The following SGCZ variants were observed in gnomAD, a reference collection of about 807,000 sequenced individuals.
The protein encoded by SGCZ is sarcoglycan zeta, also known as zeta-sarcoglycan.
In SGCZ, 40 loss-of-function variants were observed where a neutral mutation model predicts 41.3. That is an observed-to-expected ratio of 0.97 (90% confidence interval 0.75 to 1.26). SGCZ has a LOEUF of 1.26. Among genes scored for constraint, SGCZ ranks in the 50% most tolerant of loss-of-function variants. The pLI is 0.00. For synonymous variants in SGCZ, 206 were observed against 137.5 expected, an observed-to-expected ratio of 1.50 and a Z score of -3.49; for missense variants, 552 against 369.8, an observed-to-expected ratio of 1.49 and a Z score of -4.04.
intron 4 of SGCZ, among the ~76,000 whole-genome samples, chr8:14,184,739 A>T (rs1468215353): frequency 1.3e-5 from 2 of 152,208 alleles, no homozygotes; most frequent in African/African-American, 4.8e-5. Flanking sequence ...TTAAGAAGAG[A>T]AGTACCTTAA....
intron 1 of SGCZ, among the ~76,000 whole-genome samples, chr8:14,992,492 A>G (rs1490795474): frequency 6.8e-6 from 1 of 146,774 alleles, no homozygotes; most frequent in Non-Finnish European, 1.5e-5. Flanking sequence ...TCCCAAAACC[A>G]GTGTTACCCT....
chr8:14,629,323 G>C lies in SGCZ; in HGVS notation c.40-74397C>G, dbSNP rs571078985. ...GTTATAGGTGATCTTTTTAAAAATT[G>C]TTTTTAGTGACTAGTAGGTAAGATT... On this transcript the variant is annotated intron_variant, in intron 1 of 7. Transcript: ENST00000382080. Among the ~76,000 whole-genome samples, 10 of 151,170 alleles carry C rather than the reference G, an allele frequency of 6.6e-5. No homozygotes were observed. In the South Asian group the frequency reaches 2.1e-3, roughly 32 times the overall value.
In SGCZ at chr8:14,832,228, G is replaced by A. The variant is rs570768886; in HGVS notation, c.40-277302C>T. Among the ~76,000 whole-genome samples, 30 of 152,098 alleles carry A rather than the reference G, an allele frequency of 2.0e-4. 1 individual carries two copies. In the South Asian group the frequency reaches 6.0e-3, roughly 31 times the overall value. On this transcript the variant is annotated intron_variant, in intron 1 of 7. Coordinates refer to ENST00000382080, the MANE Select transcript of SGCZ (RefSeq NM_139167.4). ...TTCTAACTATTCTATTTGCTTTCTTGTGTTATTTGATATGATATATGGATA... is the reference window on the plus strand; with the variant it reads ...TTCTAACTATTCTATTTGCTTTCTTATGTTATTTGATATGATATATGGATA...
intron 1 of SGCZ, among the ~76,000 whole-genome samples, chr8:14,801,491 C>T (rs1279217582): frequency 6.6e-6 from 1 of 152,116 alleles, no homozygotes; most frequent in African/African-American, 2.4e-5. Context: ...AATGCTTAAA[C>T]TCCTAAATAT....
Position 14,140,504 on chromosome 8 carries a change from C to T in SGCZ, c.547+24076G>A, listed in dbSNP as rs1286244246. Among the ~76,000 whole-genome samples the T allele has an allele frequency of 5.3e-5, 8 of 152,268 alleles. No homozygotes were observed. The South Asian group carries it at 1.7e-3, about 32-fold the overall frequency. On this transcript the variant is annotated intron_variant, in intron 5 of 7. Coordinates refer to ENST00000382080, the MANE Select transcript of SGCZ (RefSeq NM_139167.4). ...ATACAAAATCAATGTACAAAAATCA[C>T]AAGCATTCTTATACATCAATAACAG...
chr8:14,394,688 G>A (rs1804917221), intron 2 of SGCZ, among the ~76,000 whole-genome samples: 1 of 152,082 alleles, frequency 6.6e-6, no homozygotes, highest in African/African-American at 2.4e-5. Flanking sequence ...TACCACTGTG[G>A]TAGTAAAGAT....
intron 5 of SGCZ, among the ~76,000 whole-genome samples, chr8:14,114,529 T>G (rs1563134875): frequency 6.6e-6 from 1 of 152,024 alleles, no homozygotes; most frequent in Admixed American, 6.6e-5. Context: ...ACTTTTCATT[T>G]GGCATTTTTT....
rs1008850998 is a variant in SGCZ, at chr8:14,086,641, A to C, written c.*3802T>G. ...ATTTTGAATAAGATCCAAATGCATT[A>C]TTTTCCTTTTTAACGTCAACCATAT... On this transcript the variant is annotated 3_prime_UTR_variant, in exon 8 of 8. Transcript: ENST00000382080. Among the ~76,000 whole-genome samples, 1 of 151,662 alleles carries C rather than the reference A, an allele frequency of 6.6e-6. No individual in the cohort carries two copies. The highest frequency in any genetic ancestry group is 1.5e-5 in the Non-Finnish European group (1 of 67,730).
At chr8:15,170,863 A>G (rs937449455) in intron 1 of SGCZ, among the ~76,000 whole-genome samples, 18 of 152,222 alleles carry the variant, frequency 1.2e-4, no homozygotes, top group African/African-American at 4.3e-4. Flanking sequence ...TGAAACATCT[A>G]TGATTCGTTT....
chr8:14,381,292 G>C (rs574342770), intron 2 of SGCZ, among the ~76,000 whole-genome samples: 1 of 152,202 alleles, frequency 6.6e-6, no homozygotes, highest in Non-Finnish European at 1.5e-5. Flanking sequence ...GGTTCAGAGA[G>C]AGTAGAGTTA....
intron 2 of SGCZ, among the ~76,000 whole-genome samples, chr8:14,325,593 C>A (rs947733913): frequency 1.7e-4 from 25 of 145,220 alleles, no homozygotes; most frequent in Admixed American, 1.4e-3. Flanking sequence ...TATATAATCA[C>A]ATATAGTTGA....
rs75686503 is a variant in SGCZ, at chr8:14,669,357, C to CTAAGTAAGTAAGTAAGTAAGTAAGTAAG, written c.40-114459_40-114432dup. Among the ~76,000 whole-genome samples, 389 of 146,592 alleles carry CTAAGTAAGTAAGTAAGTAAGTAAGTAAG rather than the reference C, an allele frequency of 2.7e-3. 1 individual carries two copies. The highest frequency in any genetic ancestry group is 7.3e-3 in the South Asian group (33 of 4,506). ...TGGACAACAGAGCAAGACCCTGTCTCTAAGTAAGTAAGTAAGTAAGTAAGT... is the reference window on the plus strand; with the variant it reads ...TGGACAACAGAGCAAGACCCTGTCTCTAAGTAAGTAAGTAAGTAAGTAAGTAAGTAAGTAAGTAAGTAAGTAAGTAAGT... On this transcript the variant is annotated intron_variant, in intron 1 of 7. Coordinates refer to ENST00000382080, the MANE Select transcript of SGCZ (RefSeq NM_139167.4).
chr8:14,127,888 T>C (rs1027128418), intron 5 of SGCZ, among the ~76,000 whole-genome samples: 2 of 152,164 alleles, frequency 1.3e-5, no homozygotes, highest in Non-Finnish European at 2.9e-5. Context: ...CAGTACCCGA[T>C]AATTATCTTT....
chr8:14,111,151 G>C (rs1360066777), intron 5 of SGCZ, among the ~76,000 whole-genome samples: 1 of 152,060 alleles, frequency 6.6e-6, no homozygotes, highest in Non-Finnish European at 1.5e-5. Context: ...AGGGTTGTGA[G>C]ATTTAGCAAT....
At chr8:14,611,005 A>T (rs10103217) in intron 1 of SGCZ, among the ~76,000 whole-genome samples, 1 of 152,100 alleles carries the variant, frequency 6.6e-6, no homozygotes, top group African/African-American at 2.4e-5. Context: ...CTTGACTTAA[A>T]TTTATTTTTT....
intron 2 of SGCZ, 61 bp downstream of exon 2, chr8:14,554,671 A>G: frequency 7.4e-7 from 1 of 1,359,008 alleles, no homozygotes; most frequent in East Asian, 2.4e-5. Context: ...AAATTAAAGT[A>G]ACAGAGCTAG....
intron 3 of SGCZ, among the ~76,000 whole-genome samples, chr8:14,318,295 T>C (rs986627501): frequency 5.3e-5 from 8 of 151,848 alleles, no homozygotes; most frequent in African/African-American, 1.9e-4. Flanking sequence ...TACCTAATAC[T>C]ATACATCAAA....
intron 1 of SGCZ, among the ~76,000 whole-genome samples, chr8:15,087,230 T>G (rs1479457134): frequency 6.6e-6 from 1 of 152,022 alleles, no homozygotes; most frequent in Admixed American, 6.6e-5. Flanking sequence ...CTGCTGGATA[T>G]AGTAAAGTTC....
At chr8:14,444,806 G>GTAT (rs1291019837) in intron 2 of SGCZ, among the ~76,000 whole-genome samples, 3 of 151,992 alleles carry the variant, frequency 2.0e-5, no homozygotes, top group Non-Finnish European at 4.4e-5. Flanking sequence ...AAAACTTAAA[G>GTAT]TATAATAATA....
Sources: gnomAD v4.1 joint callset for allele counts (sites outside exome capture counted in the v4.1 genomes callset) on GRCh38, gnomAD v4.1.1 for gene constraint, MANE v1.5 for transcripts, NCBI Gene and HGNC (gene_info 2026-07-23, HGNC 2026-07-21) for gene names.